Variants in TMEM164 observed in about 807,000 individuals in gnomAD.
The protein encoded by TMEM164 is RP13-360B22.2.
Under a neutral mutation model 18.8 loss-of-function variants are expected in TMEM164, and 4 were observed. The ratio of observed to expected loss-of-function variants is 0.21; its 90% CI spans 0.10 to 0.49. The LOEUF is 0.49. Ranked by LOEUF, TMEM164 falls within the 20% of genes least tolerant of loss-of-function variation. TMEM164 has a pLI of 0.98. For synonymous variants in TMEM164, 86 were observed against 101.7 expected (o/e 0.85, Z 0.93); for missense variants, 108 against 239.9 (o/e 0.45, Z 3.63).
At chrX:110,128,551 T>C (rs2066567778) in intron 4 of TMEM164, among the ~76,000 whole-genome samples, 1 of 111,822 alleles carries the variant, frequency 8.9e-6, no homozygotes, top group Non-Finnish European at 1.9e-5. Flanking sequence ...GCCTTTGGGC[T>C]TCTGGTGTGT....
At chrX:110,014,744 C>CTTTTTTTTTTTTTTTTTTTTTTTT (rs142705177) in intron 2 of TMEM164, among the ~76,000 whole-genome samples, 92 of 54,183 alleles carry the variant, frequency 1.7e-3, no homozygotes, top group Admixed American at 2.2e-3. Flanking sequence ...TTGGTTGTTT[C>CTTTTTTTTTTTTTTTTTTTTTTTT]TTTTTTTTTT....
downstream of TMEM164, among the ~76,000 whole-genome samples, chrX:110,182,952 T>C (rs987444609): frequency 6.3e-5 from 7 of 111,837 alleles, no homozygotes; most frequent in African/African-American, 2.3e-4. Flanking sequence ...CTTTTGGACA[T>C]TTCTCCCCCA....
At chrX:110,034,972 A>C (rs749601312) in intron 2 of TMEM164, among the ~76,000 whole-genome samples, 103 of 103,867 alleles carry the variant, frequency 9.9e-4, no homozygotes, top group Non-Finnish European at 1.9e-3. Flanking sequence ...TCGCAAGAAC[A>C]AAAAACCAAA....
At chrX:110,025,651 G>A (rs893693112) in intron 2 of TMEM164, among the ~76,000 whole-genome samples, 5 of 112,206 alleles carry the variant, frequency 4.5e-5, no homozygotes, top group Admixed American at 3.8e-4. Context: ...GTCATGCCAC[G>A]AAATGGGTAC....
chrX:110,018,172 G>A (rs1933585949), intron 2 of TMEM164, among the ~76,000 whole-genome samples: 2 of 112,463 alleles, frequency 1.8e-5, no homozygotes, highest in South Asian at 3.7e-4. Flanking sequence ...AGTTGTATGG[G>A]GCTCCAGGGC....
intron 5 of TMEM164, among the ~76,000 whole-genome samples, chrX:110,159,312 A>G (rs760231385): frequency 9.0e-6 from 1 of 110,930 alleles, no homozygotes; most frequent in South Asian, 3.8e-4. Context: ...ACAAGGAGGA[A>G]TTCTATGGAG....
intron 2 of TMEM164, among the ~76,000 whole-genome samples, chrX:110,019,581 G>C (rs1460372465): frequency 9.0e-6 from 1 of 111,474 alleles, no homozygotes; most frequent in Non-Finnish European, 1.9e-5. Flanking sequence ...CAAAACCTTT[G>C]ATAACTCCTT....
intron 3 of TMEM164, among the ~76,000 whole-genome samples, chrX:110,087,885 A>G (rs1471839844): frequency 8.9e-6 from 1 of 111,795 alleles, no homozygotes; most frequent in Non-Finnish European, 1.9e-5. Context: ...AATTTCATCT[A>G]TGCTGCAGAG....
At chrX:110,019,476 A>G (rs897245224) in intron 2 of TMEM164, among the ~76,000 whole-genome samples, 1 of 110,431 alleles carries the variant, frequency 9.1e-6, no homozygotes, top group African/African-American at 3.3e-5. Context: ...CCTTTACACT[A>G]CTCTATCCTT....
chrX:110,003,653 G>C lies in TMEM164; in HGVS notation c.-122G>C. ...CCTCCCCTACTCTCGGTGCCCTGGT[G>C]TCTGGAGGGGGGTTGTGGGGGTGTG... On this transcript the variant is annotated 5_prime_UTR_variant, in exon 2 of 7. Transcript: ENST00000372068. The C allele has an allele frequency of 1.1e-5, 9 of 827,935 alleles. No homozygotes were observed. Among genetic ancestry groups the C allele is most frequent in the Non-Finnish European group, 1.5e-5 (9 of 591,448 alleles). The allele number at this position is 827,935 out of a possible 1,213,427, so 68.2% of individuals were successfully genotyped here.
Position 110,144,859 on chromosome X carries a change from A to T in TMEM164, c.569A>T (p.Tyr190Phe). ...QHVMLYVVPI[Y>F]LLWKGGAYTP... ...GTTATGCTCTACGTGGTACCCATCT[A>T]CCTGCTTTGGAAAGGAGGTAAGGCC... Residue 190 changes from tyrosine to phenylalanine, a missense_variant, in exon 5 of 7, where the codon TAC becomes TTC. Transcript: ENST00000372068. 3 of 1,205,536 alleles carry T rather than the reference A, an allele frequency of 2.5e-6. No homozygotes were observed. Among genetic ancestry groups the T allele is most frequent in the Non-Finnish European group, 3.4e-6 (3 of 891,110 alleles).
chrX:110,017,915 A>G (rs188188600), intron 2 of TMEM164, among the ~76,000 whole-genome samples: 37 of 110,906 alleles, frequency 3.3e-4, no homozygotes, highest in African/African-American at 1.1e-3. Flanking sequence ...GTTTTTTTCA[A>G]TTTACTTTCC....
At position 110,101,863 on chromosome X, in the gene TMEM164, G is replaced by A. The variant is rs767499961; in HGVS notation, c.441-7217G>A. Among the ~76,000 whole-genome samples, 4 of 109,909 alleles carry A rather than the reference G, an allele frequency of 3.6e-5. No individual in the cohort carries two copies. In the East Asian group the frequency reaches 1.2e-3, roughly 32 times the overall value. On this transcript the variant is annotated intron_variant, in intron 3 of 6. Transcript: ENST00000372068. The stretch of plus-strand genomic sequence containing the variant: ...CTCCCAAAGTGCTGGGATTACAGGC[G>A]CGAGGCACTGAGCCCTGCCTCTCTA...
At chrX:110,083,363 A>G (rs973966200) in intron 3 of TMEM164, among the ~76,000 whole-genome samples, 7 of 111,533 alleles carry the variant, frequency 6.3e-5, no homozygotes, top group African/African-American at 2.3e-4. Context: ...TATCATACAT[A>G]AATTCTTCTA....
intron 5 of TMEM164, among the ~76,000 whole-genome samples, chrX:110,157,760 A>G (rs778167535): frequency 9.8e-5 from 11 of 112,537 alleles, no homozygotes; most frequent in African/African-American, 1.3e-4. Flanking sequence ...TCTATTCCAC[A>G]TGGTAGCCAC....
chrX:110,090,641 T>G (rs2065912285), intron 3 of TMEM164, among the ~76,000 whole-genome samples: 1 of 111,542 alleles, frequency 9.0e-6, no homozygotes, highest in African/African-American at 3.3e-5. Context: ...TACGGAAAAG[T>G]GAATAGCGCA....
At chrX:110,056,485 A>G (rs185803513) in intron 2 of TMEM164, among the ~76,000 whole-genome samples, 1 of 112,313 alleles carries the variant, frequency 8.9e-6, no homozygotes, top group East Asian at 2.8e-4. Flanking sequence ...ACTTCTGTGA[A>G]CATCTGTAAG....
Position 110,003,964 on chromosome X carries a change from A to G in TMEM164, c.190A>G (p.Thr64Ala). The G allele has an allele frequency of 2.5e-6, 3 of 1,211,279 alleles. No individual in the cohort carries two copies. Among genetic ancestry groups the G allele is most frequent in the Non-Finnish European group, 3.4e-6 (3 of 895,350 alleles). Reference protein sequence around the residue: ...LVALRHILRQTKEDGRGSPGS... With the variant: ...LVALRHILRQAKEDGRGSPGS... ...GGCCCTGCGGCACATCCTGAGGCAG[A>G]CGAAGGAGGACGGTAGGGGTAGCCC... Residue 64 changes from threonine (T) to alanine (A), a missense_variant, in exon 2 of 7, where the codon ACG becomes GCG. Transcript: ENST00000372068.
intron 2 of TMEM164, among the ~76,000 whole-genome samples, chrX:110,010,827 A>G (rs186948610): frequency 2.7e-5 from 3 of 111,736 alleles, no homozygotes; most frequent in African/African-American, 9.8e-5. Context: ...GTAGAGTTCC[A>G]CTGGCTTGTT....
Sources: gnomAD v4.1 joint callset for allele counts (sites outside exome capture counted in the v4.1 genomes callset) on GRCh38, gnomAD v4.1.1 for gene constraint, MANE v1.5 for transcripts, NCBI Gene and HGNC (gene_info 2026-07-23, HGNC 2026-07-21) for gene names.